Variants in LPP observed in about 807,000 individuals in gnomAD.
LPP encodes lipoma-preferred partner.
LPP carries 38 observed loss-of-function variants against 60.4 expected under a neutral mutation model. The observed-to-expected ratio is 0.63, with a 90% CI of 0.49 to 0.83. The LOEUF (loss-of-function observed/expected upper bound fraction) is 0.83. LPP is among the 40% of genes least tolerant of loss of function. LPP has a pLI of 0.00. For synonymous variants in LPP, 328 were observed against 290.8 expected (o/e 1.13, Z -1.30); for missense variants, 902 against 783.6 (o/e 1.15, Z -1.80).
rs1770027889 is a variant in LPP, at chr3:188,881,554, C to G, written c.*7075C>G. The G allele has an allele frequency of 4.6e-6, 1 of 216,568 alleles. No homozygotes were observed. Among genetic ancestry groups the G allele is most frequent in the Admixed American group, 5.8e-5 (1 of 17,208 alleles). The allele number at this position is 216,568 out of a possible 1,614,324, so 13.4% of individuals were successfully genotyped here. A position where few individuals can be genotyped will look rare whatever the true frequency, so the allele number is the denominator to read the frequency against. On this transcript the variant is annotated 3_prime_UTR_variant, in exon 12 of 12. Transcript: ENST00000617246. ...CCCAAAGAGAATTTCCCCAAAAAACCTCAGACCCAGAAGTGTAAAAGCTAC... is the reference window on the plus strand; with the variant it reads ...CCCAAAGAGAATTTCCCCAAAAAACGTCAGACCCAGAAGTGTAAAAGCTAC...
chr3:188,872,524 A>G, intron 10 of LPP, 119 bp from the exon 11 acceptor site: 3 of 1,076,564 alleles, frequency 2.8e-6, no homozygotes, highest in South Asian at 1.4e-5. Flanking sequence ...TAACTCCCTC[A>G]CCTTACGGAT....
intron 6 of LPP, among the ~76,000 whole-genome samples, chr3:188,545,696 C>A (rs4686971): frequency 0.52 from 79,650 of 151,854 alleles, 21,412 homozygotes; most frequent in East Asian, 0.92. Context: ...TCTACAGGCT[C>A]CTAGGGCTTT....
At chr3:188,731,528 T>TTTGTTTTGTTTTGTTTTGTTTTGTTTTG (rs1425886750) in intron 8 of LPP, among the ~76,000 whole-genome samples, 52 of 151,872 alleles carry the variant, frequency 3.4e-4, no homozygotes, top group Non-Finnish European at 1.6e-4. Context: ...TTTGTTTTGT[T>TTTGTTTTGTTTTGTTTTGTTTTGTTTTG]TTGTTTTGTT....
At chr3:188,206,782 T>A (rs1733354807) in intron 1 of LPP, among the ~76,000 whole-genome samples, 1 of 152,216 alleles carries the variant, frequency 6.6e-6, no homozygotes, top group Non-Finnish European at 1.5e-5. Context: ...GCACTTACTA[T>A]TTCTGAGATT....
intron 9 of LPP, among the ~76,000 whole-genome samples, chr3:188,807,177 A>C (rs1447077276): frequency 6.6e-6 from 1 of 151,838 alleles, no homozygotes. Flanking sequence ...TCTCACTTGC[A>C]TAGTTTCTGA....
intron 1 of LPP, among the ~76,000 whole-genome samples, chr3:188,186,079 T>TC (rs139053505): frequency 0.019 from 2,846 of 152,198 alleles, 65 homozygotes; most frequent in African/African-American, 0.065. Context: ...GAGCCATAGT[T>TC]CTTGAGACTT....
chr3:188,825,314 TG>T lies in LPP; in HGVS notation c.1411-40885del, dbSNP rs1184675240. ...GTGTGTGTGTGTGTGTGTGTGTGTG[TG>T]TAGGATCACTGGAGTATGGTGGTGA... is the stretch of plus-strand genomic sequence containing the variant. On this transcript the variant is annotated intron_variant, in intron 9 of 11. Transcript: ENST00000617246. 3.5e-5 allele frequency among the ~76,000 whole-genome samples: 5 copies of T among 143,518 alleles called. No individual in the cohort carries two copies. The East Asian group carries it at 9.9e-4, about 28-fold the overall frequency. The allele number at this position is 143,518 out of a possible 152,430, so 94.2% of individuals were successfully genotyped here. A position where few individuals can be genotyped will look rare whatever the true frequency, so the allele number is the denominator to read the frequency against.
intron 9 of LPP, among the ~76,000 whole-genome samples, chr3:188,852,916 G>A (rs1224496769): frequency 6.6e-6 from 1 of 152,304 alleles, no homozygotes; most frequent in Middle Eastern, 3.4e-3. Flanking sequence ...GCCAAGGCAG[G>A]TGGATCACCT....
At chr3:188,419,316 A>G (rs1308632774) in intron 4 of LPP, among the ~76,000 whole-genome samples, 2 of 152,340 alleles carry the variant, frequency 1.3e-5, no homozygotes, top group East Asian at 3.9e-4. Context: ...TAGAAATTCA[A>G]CATATGAAAA....
In LPP at chr3:188,824,927, G is replaced by C. The variant is rs2378445; in HGVS notation, c.1411-41273G>C. On this transcript the variant is annotated intron_variant, in intron 9 of 11. Coordinates refer to ENST00000617246, the MANE Select transcript of LPP (RefSeq NM_001375462.1). The stretch of plus-strand genomic sequence containing the variant: ...AAGTAGGGTGGGATATTGGTGCTGG[G>C]AATGACGAATGAAGGGACATCTGAG... Among the ~76,000 whole-genome samples the C allele has an allele frequency of 1.7e-3, 258 of 152,254 alleles. 4 individuals are homozygous for C. In the East Asian group the frequency reaches 0.043, roughly 25 times the overall value.
chr3:188,562,683 C>G (rs529562909), intron 6 of LPP, among the ~76,000 whole-genome samples: 1 of 152,006 alleles, frequency 6.6e-6, no homozygotes, highest in Admixed American at 6.6e-5. Context: ...CTTTTCTCTC[C>G]CCTTCATGTT....
At chr3:188,429,070 T>C (rs1293299697) in intron 4 of LPP, among the ~76,000 whole-genome samples, 1 of 152,202 alleles carries the variant, frequency 6.6e-6, no homozygotes, top group Non-Finnish European at 1.5e-5. Flanking sequence ...GAGACAGCAC[T>C]AGAGTTACCT....
chr3:188,275,472 G>A (rs1256999297), intron 2 of LPP, among the ~76,000 whole-genome samples: 4 of 152,106 alleles, frequency 2.6e-5, no homozygotes, highest in Non-Finnish European at 4.4e-5. Flanking sequence ...CAATTCTGCC[G>A]TATCAGTCCC....
chr3:188,284,547 A>G (rs1324900778), intron 2 of LPP, among the ~76,000 whole-genome samples: 1 of 148,174 alleles, frequency 6.7e-6, no homozygotes, highest in African/African-American at 2.6e-5. Context: ...CAGGATAAGA[A>G]AGACAGAGGC....
rs11393642 is a variant in LPP, at chr3:188,407,775, T to G, written c.193+1462T>G. On this transcript the variant is annotated intron_variant, in intron 4 of 11. Coordinates refer to ENST00000617246, the MANE Select transcript of LPP (RefSeq NM_001375462.1). ...TTGGCTTCCTCATTTATGGTTTTTT[T>G]TTTTGTTTGTTTGTTTTTTTTTTTT... 8.6e-3 allele frequency among the ~76,000 whole-genome samples: 192 copies of G among 22,242 alleles called. 13 individuals carry two copies. Among genetic ancestry groups the G allele is most frequent in the South Asian group, 0.065 (11 of 168 alleles). 14.6% of individuals were successfully genotyped at this position (22,242 alleles called of 152,430 possible).
At chr3:188,376,755 T>A (rs1775227400) in intron 3 of LPP, among the ~76,000 whole-genome samples, 1 of 152,200 alleles carries the variant, frequency 6.6e-6, no homozygotes, top group African/African-American at 2.4e-5. Context: ...ATTATGATGT[T>A]AGCTGGTTAT....
chr3:188,687,775 C>CT (rs61574227), intron 7 of LPP, among the ~76,000 whole-genome samples: 32,319 of 127,398 alleles, frequency 0.25, 5,309 homozygotes, highest in Middle Eastern at 0.39. Context: ...GTCTTATACT[C>CT]TTTTTTTTTT....
At chr3:188,344,032 C>T (rs1763705899) in intron 3 of LPP, among the ~76,000 whole-genome samples, 1 of 152,184 alleles carries the variant, frequency 6.6e-6, no homozygotes, top group Non-Finnish European at 1.5e-5. Flanking sequence ...AAGCTGCACT[C>T]CACGGAATCT....
Position 188,345,320 on chromosome 3 carries a change from C to T in LPP, c.-10+3601C>T, listed in dbSNP as rs191735176. On this transcript the variant is annotated intron_variant, in intron 3 of 11. Transcript: ENST00000617246. ...CATGAAGACATGGCACAGAGGGTTC[C>T]GGCTACCTTCTGCTTTCCGTGTTTA... Among the ~76,000 whole-genome samples the T allele has an allele frequency of 1.7e-4, 26 of 152,214 alleles. No homozygotes were observed. The East Asian group carries it at 3.7e-3, about 22-fold the overall frequency.
Sources: allele counts gnomAD v4.1 joint callset (sites outside exome capture counted in the v4.1 genomes callset), GRCh38; gene constraint gnomAD v4.1.1; transcripts MANE v1.5; gene names NCBI Gene and HGNC (gene_info 2026-07-23, HGNC 2026-07-21).